SAMD4A: variants seen among roughly 807,000 people sequenced by gnomAD.
SAMD4A encodes protein Smaug homolog 1.
A neutral mutation model predicts 81.3 loss-of-function variants in SAMD4A; 33 were observed. The observed-to-expected ratio is 0.41, with a 90% CI of 0.31 to 0.54. The LOEUF (loss-of-function observed/expected upper bound fraction) is 0.54. SAMD4A is among the 20% of genes least tolerant of loss of function. The pLI, the probability that SAMD4A is intolerant of heterozygous loss-of-function variation, is 0.37. For missense variants in SAMD4A, 854 were observed against 951.1 expected, an observed-to-expected ratio of 0.90 and a Z score of 1.34; for synonymous variants, 389 against 382.1, an observed-to-expected ratio of 1.02 and a Z score of -0.21.
Position 54,760,405 on chromosome 14 carries a change from A to G in SAMD4A, c.1421A>G (p.His474Arg). Residue 474 changes from histidine to arginine, a missense_variant, in exon 7 of 13, where the codon CAC becomes CGC. This residue lies in a region of SAMD4A where 428 missense variants were observed against 471.2 expected (regional missense o/e 0.91). Coordinates refer to ENST00000554335, the MANE Select transcript of SAMD4A (RefSeq NM_015589.6). Reference sequence around the variant, plus strand: ...GGGGCCAGCGGGGGGCTCCAGCCGCACCAGCTGAGCAGCTGCGATGGGGAG... The same window carrying G: ...GGGGCCAGCGGGGGGCTCCAGCCGCGCCAGCTGAGCAGCTGCGATGGGGAG... ...SAGASGGLQP[H>R]QLSSCDGELA... The G allele has an allele frequency of 6.8e-7, 1 of 1,480,042 alleles. No individual in the cohort carries two copies. Among genetic ancestry groups the G allele is most frequent in the Non-Finnish European group, 8.9e-7 (1 of 1,127,546 alleles). The allele number at this position is 1,480,042 out of a possible 1,614,324, so 91.7% of individuals were successfully genotyped here.
At chr14:54,681,536 T>C (rs1212502312) in intron 2 of SAMD4A, among the ~76,000 whole-genome samples, 1 of 152,120 alleles carries the variant, frequency 6.6e-6, no homozygotes, top group Non-Finnish European at 1.5e-5. Flanking sequence ...CTCAAGCAAT[T>C]CTACCACCTT....
At chr14:54,671,563 G>A (rs775283718) in intron 2 of SAMD4A, among the ~76,000 whole-genome samples, 1 of 152,214 alleles carries the variant, frequency 6.6e-6, no homozygotes, top group Non-Finnish European at 1.5e-5. Context: ...AGGCTGGGCT[G>A]AGTGAGGCAC....
chr14:54,606,086 A>C (rs1163453367), intron 2 of SAMD4A, among the ~76,000 whole-genome samples: 1 of 152,136 alleles, frequency 6.6e-6, no homozygotes, highest in African/African-American at 2.4e-5. Context: ...AAGTTGCAAA[A>C]AGAAGCTTAA....
At chr14:54,606,205 G>C (rs1194437430) in intron 2 of SAMD4A, among the ~76,000 whole-genome samples, 1 of 151,490 alleles carries the variant, frequency 6.6e-6, no homozygotes, top group Non-Finnish European at 1.5e-5. Context: ...GTGTGTGTGT[G>C]TGTGTGTGCG....
chr14:54,625,646 G>A (rs935612683), intron 2 of SAMD4A, among the ~76,000 whole-genome samples: 5 of 152,198 alleles, frequency 3.3e-5, no homozygotes, highest in Non-Finnish European at 7.3e-5. Context: ...GTTTCTCAGA[G>A]AAAGGGCCAC....
chr14:54,733,839 A>AC (rs2037621694), intron 3 of SAMD4A, among the ~76,000 whole-genome samples: 1 of 151,968 alleles, frequency 6.6e-6, no homozygotes. Context: ...GAAAAAAAAA[A>AC]AACTTCTGCC....
intron 2 of SAMD4A, chr14:54,693,497 A>G (rs183894874): frequency 1.3e-5 from 2 of 152,352 alleles, no homozygotes; most frequent in East Asian, 1.9e-4. Flanking sequence ...AACCTGAGCA[A>G]CAAAGCAAGA....
intron 2 of SAMD4A, among the ~76,000 whole-genome samples, chr14:54,604,962 A>G (rs2034159669): frequency 6.6e-6 from 1 of 152,216 alleles, no homozygotes; most frequent in Non-Finnish European, 1.5e-5. Context: ...CAGTTATATC[A>G]GTGAATACCA....
chr14:54,570,918 C>T (rs781099786), intron 2 of SAMD4A, among the ~76,000 whole-genome samples: 2 of 152,086 alleles, frequency 1.3e-5, no homozygotes, highest in Non-Finnish European at 2.9e-5. Context: ...TCTTGTATCA[C>T]TTTATTTTGT....
intron 2 of SAMD4A, among the ~76,000 whole-genome samples, chr14:54,658,088 T>C (rs528280924): frequency 1.8e-3 from 274 of 152,264 alleles, no homozygotes; most frequent in Non-Finnish European, 3.4e-3. Context: ...GGCAGGCAGA[T>C]CACTTGAGGT....
At chr14:54,639,638 A>G (rs1254561062) in intron 2 of SAMD4A, among the ~76,000 whole-genome samples, 1 of 152,140 alleles carries the variant, frequency 6.6e-6, no homozygotes, top group African/African-American at 2.4e-5. Flanking sequence ...TGGAGTCTTC[A>G]TCCCATGTTC....
intron 2 of SAMD4A, among the ~76,000 whole-genome samples, chr14:54,578,571 G>A (rs1246527227): frequency 6.6e-6 from 1 of 152,028 alleles, no homozygotes; most frequent in Non-Finnish European, 1.5e-5. Context: ...AATTAGCTGG[G>A]CGTGGTTGTG....
chr14:54,571,470 C>T (rs1359726831), intron 2 of SAMD4A, among the ~76,000 whole-genome samples: 1 of 152,146 alleles, frequency 6.6e-6, no homozygotes, highest in African/African-American at 2.4e-5. Context: ...ACTGACTTTA[C>T]CTGAAGTTTC....
chr14:54,638,349 G>A (rs962304387), intron 2 of SAMD4A, among the ~76,000 whole-genome samples: 3 of 152,128 alleles, frequency 2.0e-5, no homozygotes, highest in Non-Finnish European at 4.4e-5. Context: ...ATGCTGAGTT[G>A]GCTCTGTCAA....
intron 9 of SAMD4A, among the ~76,000 whole-genome samples, chr14:54,774,227 C>T (rs1040294672): frequency 1.3e-5 from 2 of 152,202 alleles, no homozygotes; most frequent in African/African-American, 4.8e-5. Flanking sequence ...AAGGATTACG[C>T]GCTGTTTTAC....
At chr14:54,674,222 T>C (rs2035943258) in intron 2 of SAMD4A, among the ~76,000 whole-genome samples, 1 of 152,244 alleles carries the variant, frequency 6.6e-6, no homozygotes. Context: ...ATTTAAGCAG[T>C]AAATATATTC....
At chr14:54,726,938 G>A (rs1439467635) in intron 3 of SAMD4A, among the ~76,000 whole-genome samples, 1 of 152,098 alleles carries the variant, frequency 6.6e-6, no homozygotes, top group Non-Finnish European at 1.5e-5. Context: ...TAAAGTTGTT[G>A]TGAACACTGA....
chr14:54,674,657 A>G (rs2035952627), intron 2 of SAMD4A, among the ~76,000 whole-genome samples: 1 of 152,234 alleles, frequency 6.6e-6, no homozygotes, highest in Non-Finnish European at 1.5e-5. Flanking sequence ...TGAGAAGAGA[A>G]TCTATTGACA....
chr14:54,605,687 C>T (rs2034178905), intron 2 of SAMD4A, among the ~76,000 whole-genome samples: 2 of 151,948 alleles, frequency 1.3e-5, no homozygotes, highest in African/African-American at 4.8e-5. Flanking sequence ...ATAATAATTT[C>T]TGTATTGCTC....
Sources: allele counts gnomAD v4.1 joint callset (sites outside exome capture counted in the v4.1 genomes callset), GRCh38; gene constraint gnomAD v4.1.1; regional missense constraint gnomAD v4.1.1; transcripts MANE v1.5; gene names NCBI Gene and HGNC (gene_info 2026-07-23, HGNC 2026-07-21).